STAG1: variants seen among roughly 807,000 people sequenced by gnomAD.
STAG1 encodes STAG1 cohesin complex component, also known as cohesin subunit SA-1.
Under a neutral mutation model 170.9 loss-of-function variants are expected in STAG1, and 26 were observed. The ratio of observed to expected loss-of-function variants is 0.15; its 90% CI spans 0.11 to 0.21. The LOEUF (loss-of-function observed/expected upper bound fraction) is 0.21. STAG1 is among the 10% of genes least tolerant of loss of function. The probability of loss-of-function intolerance (pLI) is 1.00; values close to 1 mark genes in which losing one functional copy is unlikely to be tolerated. For missense variants in STAG1, 964 were observed against 1,509.5 expected, an observed-to-expected ratio of 0.64 and a Z score of 5.99; for synonymous variants, 514 against 497.7, an observed-to-expected ratio of 1.03 and a Z score of -0.44.
chr3:136,368,731 C>T (rs1937176763), intron 24 of STAG1, among the ~76,000 whole-genome samples: 1 of 152,054 alleles, frequency 6.6e-6, no homozygotes, highest in South Asian at 2.1e-4. Flanking sequence ...ACAGAGCTCT[C>T]TATATAACGA....
At chr3:136,527,327 C>G (rs1028080434) in intron 6 of STAG1, among the ~76,000 whole-genome samples, 1 of 152,176 alleles carries the variant, frequency 6.6e-6, no homozygotes, top group Non-Finnish European at 1.5e-5. Context: ...TCCTTTCTCG[C>G]TTCATTTCAT....
chr3:136,619,724 T>G (rs987638371), intron 3 of STAG1, among the ~76,000 whole-genome samples: 5 of 116,330 alleles, frequency 4.3e-5, no homozygotes, highest in African/African-American at 1.4e-4. Flanking sequence ...GCTACTACAC[T>G]CCAGATTACG....
intron 1 of STAG1, among the ~76,000 whole-genome samples, chr3:136,695,505 G>A (rs889091814): frequency 4.9e-4 from 75 of 152,074 alleles, no homozygotes; most frequent in Non-Finnish European, 3.2e-4. Context: ...CCTCAATGGG[G>A]GAGTTACTTT....
intron 21 of STAG1, among the ~76,000 whole-genome samples, chr3:136,406,155 C>A (rs921997417): frequency 2.0e-5 from 3 of 152,064 alleles, no homozygotes; most frequent in Non-Finnish European, 4.4e-5. Flanking sequence ...CTTCAGTAGC[C>A]GGATGGATAA....
At chr3:136,447,596 A>AT (rs777110138) in intron 14 of STAG1, among the ~76,000 whole-genome samples, 3,326 of 74,298 alleles carry the variant, frequency 0.045, 711 homozygotes, top group African/African-American at 0.17. Context: ...AAAGCATCAC[A>AT]TTTTTTTTTT....
At chr3:136,617,015 C>T (rs1939632124) in intron 3 of STAG1, among the ~76,000 whole-genome samples, 1 of 152,086 alleles carries the variant, frequency 6.6e-6, no homozygotes. Flanking sequence ...TCAAAACAAA[C>T]AGCATATACT....
chr3:136,662,060 C>T (rs778846263), intron 1 of STAG1, among the ~76,000 whole-genome samples: 12 of 152,116 alleles, frequency 7.9e-5, no homozygotes, highest in Non-Finnish European at 1.5e-4. Context: ...CTAATCACCT[C>T]ACACCTTTTC....
intron 13 of STAG1, among the ~76,000 whole-genome samples, chr3:136,463,040 A>C (rs778823394): frequency 6.6e-6 from 1 of 152,190 alleles, no homozygotes; most frequent in African/African-American, 2.4e-5. Flanking sequence ...AGAATAAAAT[A>C]ATGCTGAAAA....
intron 8 of STAG1, among the ~76,000 whole-genome samples, chr3:136,501,955 GCGGA>G: frequency 6.6e-6 from 1 of 152,228 alleles, no homozygotes; most frequent in Non-Finnish European, 1.5e-5. Flanking sequence ...GCCGAGGTGG[GCGGA>G]TCACCTGAGG....
intron 25 of STAG1, among the ~76,000 whole-genome samples, 166 bp downstream of exon 25, chr3:136,366,777 T>C (rs1937089016): frequency 6.6e-6 from 1 of 152,148 alleles, no homozygotes; most frequent in African/African-American, 2.4e-5. Context: ...GGAACTGATA[T>C]AATAGTACAG....
Position 136,612,879 on chromosome 3 carries a change from A to C in STAG1, c.133-8406T>G, listed in dbSNP as rs560217725. Among the ~76,000 whole-genome samples the C allele has an allele frequency of 5.3e-5, 8 of 152,352 alleles. No homozygotes were observed. The East Asian group carries it at 1.5e-3, about 29-fold the overall frequency. ...GGTTTTTCTGTGTACTTAATTTTTA[A>C]AATCAGCTATGTATATACCTAGAGG... On this transcript the variant is annotated intron_variant, in intron 3 of 33. Coordinates refer to ENST00000383202, the MANE Select transcript of STAG1 (RefSeq NM_005862.3).
intron 32 of STAG1, among the ~76,000 whole-genome samples, chr3:136,339,454 C>T (rs932248312): frequency 2.0e-5 from 3 of 152,094 alleles, no homozygotes; most frequent in Admixed American, 2.0e-4. Flanking sequence ...ACCTGGGAGG[C>T]AGAGGTTGCA....
chr3:136,433,690 T>C (rs369500886), intron 15 of STAG1, 31 bp from the exon 16 acceptor site: 8 of 1,438,288 alleles, frequency 5.6e-6, no homozygotes, highest in Non-Finnish European at 7.8e-6. Flanking sequence ...TGAGCATGAG[T>C]AGACAGTTTT....
At chr3:136,430,407 T>C (rs931396042) in intron 16 of STAG1, among the ~76,000 whole-genome samples, 1 of 152,206 alleles carries the variant, frequency 6.6e-6, no homozygotes, top group African/African-American at 2.4e-5. Context: ...TTAATTATAA[T>C]AAAACATAGC....
intron 28 of STAG1, among the ~76,000 whole-genome samples, chr3:136,350,034 G>T (rs182121639): frequency 1.1e-4 from 16 of 152,240 alleles, no homozygotes; most frequent in Admixed American, 2.6e-4. Flanking sequence ...CAGCTACTCA[G>T]GAGGCTGAGG....
At chr3:136,456,954 T>C (rs1400129447) in intron 13 of STAG1, among the ~76,000 whole-genome samples, 3 of 152,138 alleles carry the variant, frequency 2.0e-5, no homozygotes, top group East Asian at 1.9e-4. Context: ...CCCAGACAAA[T>C]AGAAGCTGAG....
intron 2 of STAG1, among the ~76,000 whole-genome samples, chr3:136,630,302 C>A (rs528208420): frequency 1.4e-4 from 21 of 151,960 alleles, no homozygotes; most frequent in Non-Finnish European, 2.8e-4. Flanking sequence ...CCTTACATTT[C>A]TTCTGGTAGC....
At chr3:136,528,433 A>T (rs974825369) in intron 6 of STAG1, among the ~76,000 whole-genome samples, 1 of 151,894 alleles carries the variant, frequency 6.6e-6, no homozygotes, top group Non-Finnish European at 1.5e-5. Flanking sequence ...AACATGAAAA[A>T]GCAAAGAAAC....
chr3:136,648,312 C>A (rs1437746064), intron 1 of STAG1, among the ~76,000 whole-genome samples: 1 of 152,186 alleles, frequency 6.6e-6, no homozygotes, highest in South Asian at 2.1e-4. Context: ...ACTCCCCAAT[C>A]CTTGCTCCTC....
Sources: gnomAD v4.1 joint callset for allele counts (sites outside exome capture counted in the v4.1 genomes callset) on GRCh38, gnomAD v4.1.1 for gene constraint, MANE v1.5 for transcripts, NCBI Gene and HGNC (gene_info 2026-07-23, HGNC 2026-07-21) for gene names.